ADAMTS7: variants seen among roughly 807,000 people sequenced by gnomAD.
ADAMTS7 encodes ADAM metallopeptidase with thrombospondin type 1 motif 7, also known as A disintegrin and metalloproteinase with thrombospondin motifs 7.
Under a neutral mutation model 172.6 loss-of-function variants are expected in ADAMTS7, and 89 were observed. The ratio of observed to expected loss-of-function variants is 0.52; its 90% CI spans 0.43 to 0.61. The LOEUF (loss-of-function observed/expected upper bound fraction) is 0.61, where lower values mean the gene tolerates loss of function less well. ADAMTS7 is among the 20% of genes least tolerant of loss of function. The pLI is 0.00. For missense variants in ADAMTS7, 1,973 were observed against 2,355.6 expected, an observed-to-expected ratio of 0.84 and a Z score of 3.36; for synonymous variants, 885 against 978.4, an observed-to-expected ratio of 0.90 and a Z score of 1.78.
rs1270591224 is a variant in ADAMTS7, at chr15:78,800,414, C to T, written c.234G>A (p.Ala78=). ...GGTATTGTAGCTCGTAGAAGGCGGGCGCGTCTCGGCGCACAGATACATCCC... is the reference window on the plus strand; with the variant it reads ...GGTATTGTAGCTCGTAGAAGGCGGGTGCGTCTCGGCGCACAGATACATCCC... ...RKRDVSVRRD[A]PAFYELQYRG... The change falls in exon 2 of 24, where the codon GCG becomes GCA. Residue 78 remains alanine (A), a synonymous_variant. Transcript: ENST00000388820. 7.5e-6 allele frequency: 12 copies of T among 1,608,870 alleles called. No individual in the cohort carries two copies. Among genetic ancestry groups the T allele is most frequent in the Non-Finnish European group, 9.3e-6 (11 of 1,177,998 alleles).
rs1289215361 is a variant in ADAMTS7, at chr15:78,759,350, G to A, written c.*71C>T. The A allele has an allele frequency of 6.1e-6, 9 of 1,464,580 alleles. No individual in the cohort carries two copies. The highest frequency in any genetic ancestry group is 2.2e-5 in the Admixed American group (1 of 46,198). 90.7% of individuals were successfully genotyped at this position (1,464,580 alleles called of 1,614,324 possible). On this transcript the variant is annotated 3_prime_UTR_variant, in exon 24 of 24. Coordinates refer to ENST00000388820, the MANE Select transcript of ADAMTS7 (RefSeq NM_014272.5). ...GGGGGTTAGCACCATTAGGGCGCAGGGGGCGGGAGCTCCGCCACAGCCCGT... is the reference window on the plus strand; with the variant it reads ...GGGGGTTAGCACCATTAGGGCGCAGAGGGCGGGAGCTCCGCCACAGCCCGT...
In ADAMTS7 at chr15:78,798,741, G is replaced by A. The variant is rs115793377; in HGVS notation, c.457-628C>T. On this transcript the variant is annotated intron_variant, in intron 2 of 23. Transcript: ENST00000388820. ...CAGCATTCAGAGTCCAGGGAGGGGA[G>A]GGGCCCTGGGAAGCATCTTTGATGC... Among the ~76,000 whole-genome samples, 855 of 152,320 alleles carry A rather than the reference G, an allele frequency of 5.6e-3. 11 individuals are homozygous for A. Among genetic ancestry groups the A allele is most frequent in the African/African-American group, 0.02 (811 of 41,568 alleles).
intron 19 of ADAMTS7, chr15:78,764,916 G>A (rs552350836): frequency 1.9e-5 from 10 of 525,604 alleles, no homozygotes; most frequent in South Asian, 1.8e-4. Context: ...GCAACCAGCC[G>A]TCCCTGCTCA....
chr15:78,780,033 T>C (rs1485693471), intron 8 of ADAMTS7, among the ~76,000 whole-genome samples: 3 of 146,116 alleles, frequency 2.1e-5, no homozygotes, highest in Non-Finnish European at 4.5e-5. Context: ...CTATAGATGC[T>C]GTGTGGCCTT....
chr15:78,776,463 C>T lies in ADAMTS7; in HGVS notation c.1561-130G>A, dbSNP rs547165956. On this transcript the variant is annotated intron_variant, in intron 10 of 23. Transcript: ENST00000388820. ...GGAAGGATGGAAGGTGAGAGAGGCA[C>T]CCTCACAATCATCACAATCATCTGT... is the stretch of plus-strand genomic sequence containing the variant. 2,309 of 1,333,430 alleles carry T rather than the reference C, an allele frequency of 1.7e-3. 29 individuals are homozygous for T. The African/African-American group carries it at 0.027, about 16-fold the overall frequency. 82.6% of individuals were successfully genotyped at this position (1,333,430 alleles called of 1,614,324 possible). A position where few individuals can be genotyped will look rare whatever the true frequency, so the allele number is the denominator to read the frequency against.
intron 2 of ADAMTS7, among the ~76,000 whole-genome samples, chr15:78,799,198 T>C (rs1264124909): frequency 6.8e-6 from 1 of 146,720 alleles, no homozygotes; most frequent in Non-Finnish European, 1.5e-5. Flanking sequence ...TTAGGCCCTG[T>C]GCGGCCACAG....
rs115209780 is a variant in ADAMTS7 at position 78,803,918 on chromosome 15, G to A, written c.101-3371C>T. ...ATAATTGAGGGAAATGCTAAATTTC[G>A]TTGAGAGATTACAAAAAGTAAATAT... On this transcript the variant is annotated intron_variant, in intron 1 of 23. Coordinates refer to ENST00000388820, the MANE Select transcript of ADAMTS7 (RefSeq NM_014272.5). Among the ~76,000 whole-genome samples, 890 of 152,318 alleles carry A rather than the reference G, an allele frequency of 5.8e-3. 8 individuals carry two copies. The highest frequency in any genetic ancestry group is 0.02 in the African/African-American group (845 of 41,560).
chr15:78,764,893 T>A, intron 19 of ADAMTS7, 186 bp from the exon 20 acceptor site: 3 of 576,786 alleles, frequency 5.2e-6, no homozygotes, highest in Admixed American at 3.6e-5. Context: ...GAATGAAAAG[T>A]CAAATCCCCT....
chr15:78,785,264 A>T (rs951917287), intron 8 of ADAMTS7, among the ~76,000 whole-genome samples: 1 of 152,204 alleles, frequency 6.6e-6, no homozygotes, highest in Non-Finnish European at 1.5e-5. Context: ...AAGAAATGCC[A>T]TCTAGATGGG....
At chr15:78,792,357 T>C (rs146806204) in intron 4 of ADAMTS7, among the ~76,000 whole-genome samples, 110 of 152,342 alleles carry the variant, frequency 7.2e-4, no homozygotes, top group African/African-American at 2.5e-3. Flanking sequence ...ACCATCATCA[T>C]TTCGTCTGCT....
intron 17 of ADAMTS7, among the ~76,000 whole-genome samples, chr15:78,767,851 C>A (rs2141477323): frequency 6.6e-6 from 1 of 151,784 alleles, no homozygotes; most frequent in African/African-American, 2.4e-5. Flanking sequence ...TTTCCACATC[C>A]AGGGACCCAA....
Position 78,765,660 on chromosome 15 carries a change from C to G in ADAMTS7, c.4251G>C (p.Ala1417=). 1 of 1,609,364 alleles carries G rather than the reference C, an allele frequency of 6.2e-7. No individual in the cohort carries two copies. ...PLVVRNAGWQ[A]GNWSECSTTC... is the part of the protein sequence containing the mutation. The stretch of plus-strand genomic sequence containing the variant: ...CACCACTTGCCTCGCTCCAGTTTCC[C>G]GCTTGCCAGCCGGCGTTCCTGACAA... The change falls in exon 19 of 24, where the codon GCG becomes GCC. Residue 1417 remains alanine, a synonymous_variant. Transcript: ENST00000388820.
chr15:78,778,009 C>T (rs62012629), intron 8 of ADAMTS7, among the ~76,000 whole-genome samples: 2 of 151,758 alleles, frequency 1.3e-5, no homozygotes, highest in Admixed American at 6.6e-5. Flanking sequence ...GAGCCTCCGA[C>T]GGCCCCACCC....
chr15:78,764,617 G>A lies in ADAMTS7; in HGVS notation c.4357C>T (p.Gln1453Ter), dbSNP rs1596171579. 1 of 1,554,866 alleles carries A rather than the reference G, an allele frequency of 6.4e-7. No homozygotes were observed. The highest frequency in any genetic ancestry group is 8.6e-7 in the Non-Finnish European group (1 of 1,158,080). The change falls in exon 20 of 24, where the codon CAG becomes TAG. Residue 1453 changes from glutamine to a stop codon, truncating the protein, a stop_gained. Coordinates refer to ENST00000388820, the MANE Select transcript of ADAMTS7 (RefSeq NM_014272.5). LOFTEE classifies it high-confidence loss of function. ...CGCAGGTGGCAGCGGCGGGCAGGCTGGGGCCGGCCAGCGGGGGCGCAGTCC... is the reference window on the plus strand; with the variant it reads ...CGCAGGTGGCAGCGGCGGGCAGGCTAGGGCCGGCCAGCGGGGGCGCAGTCC... ...DEDCAPAGRPQPARRCHLRPC... is the reference protein window; with the variant it reads ...DEDCAPAGRP
intron 8 of ADAMTS7, among the ~76,000 whole-genome samples, chr15:78,784,258 G>C (rs1297290351): frequency 6.6e-6 from 1 of 151,820 alleles, no homozygotes; most frequent in East Asian, 1.9e-4. Context: ...CCAGCTACTC[G>C]GGATGCTGAG....
chr15:78,810,978 T>TA, intron 1 of ADAMTS7, 143 bp downstream of exon 1: 1 of 922,732 alleles, frequency 1.1e-6, no homozygotes, highest in Non-Finnish European at 1.4e-6. Flanking sequence ...TGTCCCCTAA[T>TA]ACCCAGGGAG....
intron 4 of ADAMTS7, among the ~76,000 whole-genome samples, chr15:78,795,549 A>T (rs1177389741): frequency 1.3e-5 from 2 of 152,168 alleles, no homozygotes; most frequent in Non-Finnish European, 1.5e-5. Flanking sequence ...GCATGATCTC[A>T]GAGGGTACTT....
rs191562036 is a variant in ADAMTS7, at chr15:78,771,890, C to T, written c.2132-61G>A. Reference sequence around the variant, plus strand: ...GGTGAGAGGGTTGCTTATCCCCACCCGCTCCCCTCATGTCTCTCCCCACTT... The same window carrying T: ...GGTGAGAGGGTTGCTTATCCCCACCTGCTCCCCTCATGTCTCTCCCCACTT... On this transcript the variant is annotated intron_variant, in intron 14 of 23. Coordinates refer to ENST00000388820, the MANE Select transcript of ADAMTS7 (RefSeq NM_014272.5). The surrounding 1 kb of genome is among the most constrained non-coding windows in gnomAD (Gnocchi z 4.9). 5.6e-4 allele frequency: 878 copies of T among 1,567,398 alleles called. 5 individuals are homozygous for T. The African/African-American group carries it at 1.0e-2, about 18-fold the overall frequency.
At chr15:78,796,469 A>T in intron 4 of ADAMTS7, 121 bp downstream of exon 4, 1 of 1,130,306 alleles carries the variant, frequency 8.8e-7, no homozygotes, top group Non-Finnish European at 1.3e-6. Context: ...CCTTCTTCCT[A>T]CTTGGGGCCT....
Sources: gnomAD v4.1 joint callset for allele counts (sites outside exome capture counted in the v4.1 genomes callset) on GRCh38, gnomAD v4.1.1 for gene constraint, Gnocchi (gnomAD v3.1) non-coding constraint, MANE v1.5 for transcripts, NCBI Gene and HGNC (gene_info 2026-07-23, HGNC 2026-07-21) for gene names.